Variants in RABGAP1L observed in about 807,000 individuals in gnomAD.
RABGAP1L encodes rab GTPase-activating protein 1-like.
RABGAP1L carries 63 observed loss-of-function variants against 137.7 expected under a neutral mutation model. The observed-to-expected ratio is 0.46, with a 90% CI of 0.37 to 0.56. RABGAP1L has a LOEUF of 0.56. Among genes scored for constraint, RABGAP1L ranks in the 20% least tolerant of loss-of-function variants. The probability of loss-of-function intolerance (pLI) is 0.00; values close to 1 mark genes in which losing one functional copy is unlikely to be tolerated. For missense variants in RABGAP1L, 1,095 were observed against 1,244.0 expected, an observed-to-expected ratio of 0.88 and a Z score of 1.80; for synonymous variants, 431 against 433.7, an observed-to-expected ratio of 0.99 and a Z score of 0.08.
intron 9 of RABGAP1L, 34 bp from the exon 10 acceptor site, chr1:174,278,579 A>C (rs777100586): frequency 4.5e-6 from 7 of 1,543,628 alleles, no homozygotes; most frequent in Middle Eastern, 1.7e-4. Context: ...GGAATAATAA[A>C]GCTCGCATAA....
chr1:174,308,127 A>G (rs533466716), intron 11 of RABGAP1L, among the ~76,000 whole-genome samples: 96 of 151,852 alleles, frequency 6.3e-4, no homozygotes, highest in African/African-American at 2.2e-3. Context: ...AGAAATGTCT[A>G]TTTAGGTCCC....
chr1:174,838,629 G>A (rs370216973), intron 19 of RABGAP1L, among the ~76,000 whole-genome samples: 13 of 152,206 alleles, frequency 8.5e-5, no homozygotes, highest in African/African-American at 3.1e-4. Flanking sequence ...CAGAAAAAGA[G>A]GCAGACAAAA....
intron 2 of RABGAP1L, 112 bp downstream of exon 2, chr1:174,219,407 T>G (rs1206163079): frequency 1.3e-6 from 1 of 750,568 alleles, no homozygotes; most frequent in African/African-American, 1.8e-5. Flanking sequence ...CAAAATAAAA[T>G]CAATGTTTGA....
chr1:174,918,502 G>A (rs1661238682), intron 19 of RABGAP1L, among the ~76,000 whole-genome samples: 2 of 152,206 alleles, frequency 1.3e-5, no homozygotes, highest in Non-Finnish European at 2.9e-5. Flanking sequence ...TTCACACAGG[G>A]CCAGGCATGG....
chr1:174,232,745 A>G (rs1446548973), intron 4 of RABGAP1L, among the ~76,000 whole-genome samples: 1 of 150,534 alleles, frequency 6.6e-6, no homozygotes, highest in East Asian at 2.0e-4. Context: ...TGGGCGACAG[A>G]GCAAGACGCC....
chr1:174,937,575 C>G (rs59038285), intron 19 of RABGAP1L, among the ~76,000 whole-genome samples: 1 of 142,724 alleles, frequency 7.0e-6, no homozygotes, highest in African/African-American at 2.8e-5. Flanking sequence ...CATGAGCCAC[C>G]GCATCCAGCC....
rs148560302 is a variant in RABGAP1L, at chr1:174,212,843, A to C, written c.-33-6282A>C. On this transcript the variant is annotated intron_variant, in intron 1 of 25. Transcript: ENST00000681986. Reference sequence around the variant, plus strand: ...CCAAATTAATAAAATAAAATCAGAGATGAAAAAGGAGGCATTACAGTTGAT... The same window carrying C: ...CCAAATTAATAAAATAAAATCAGAGCTGAAAAAGGAGGCATTACAGTTGAT... Among the ~76,000 whole-genome samples, 104 of 152,248 alleles carry C rather than the reference A, an allele frequency of 6.8e-4. 1 individual carries two copies. The highest frequency in any genetic ancestry group is 2.3e-3 in the African/African-American group (95 of 41,554).
intron 5 of RABGAP1L, among the ~76,000 whole-genome samples, chr1:174,248,616 A>G (rs1352854119): frequency 6.6e-6 from 1 of 152,174 alleles, no homozygotes; most frequent in Non-Finnish European, 1.5e-5. Context: ...TCATTGGTTA[A>G]TGGGTATAAA....
At chr1:174,881,562 C>T (rs116417588) in intron 19 of RABGAP1L, among the ~76,000 whole-genome samples, 3,024 of 136,950 alleles carry the variant, frequency 0.022, 48 homozygotes, top group Middle Eastern at 0.1. Flanking sequence ...TACAGTGGCA[C>T]GATTTGGGAT....
chr1:174,240,985 C>T (rs755563681), intron 4 of RABGAP1L, among the ~76,000 whole-genome samples: 1 of 151,998 alleles, frequency 6.6e-6, no homozygotes, highest in Non-Finnish European at 1.5e-5. Flanking sequence ...AAGTTGTTCT[C>T]TCTTGCATTG....
At chr1:174,639,542 A>G (rs1289596956) in intron 14 of RABGAP1L, among the ~76,000 whole-genome samples, 2 of 152,134 alleles carry the variant, frequency 1.3e-5, no homozygotes, top group African/African-American at 4.8e-5. Flanking sequence ...TGGCATATGC[A>G]ACATTTTTTT....
At chr1:174,521,607 G>T (rs1322702911) in intron 13 of RABGAP1L, among the ~76,000 whole-genome samples, 2 of 152,192 alleles carry the variant, frequency 1.3e-5, no homozygotes, top group Non-Finnish European at 2.9e-5. Context: ...AAGAAAATTA[G>T]CGTGGAGATA....
At chr1:174,540,056 T>G (rs10912806) in intron 13 of RABGAP1L, among the ~76,000 whole-genome samples, 53,663 of 152,140 alleles carry the variant, frequency 0.35, 12,114 homozygotes, top group African/African-American at 0.64. Flanking sequence ...ATGATAAGCA[T>G]TTTTTCATGT....
At chr1:174,216,639 T>A (rs2148453081) in intron 1 of RABGAP1L, among the ~76,000 whole-genome samples, 1 of 151,980 alleles carries the variant, frequency 6.6e-6, no homozygotes, top group East Asian at 1.9e-4. Flanking sequence ...TATTCTTCCT[T>A]TTATCACATA....
intron 13 of RABGAP1L, among the ~76,000 whole-genome samples, chr1:174,621,601 G>A (rs1399844105): frequency 6.6e-6 from 1 of 152,196 alleles, no homozygotes; most frequent in Non-Finnish European, 1.5e-5. Context: ...AAGCAATGGG[G>A]AAAGGATTCC....
At chr1:174,527,901 C>CTTTTT (rs57707616) in intron 13 of RABGAP1L, among the ~76,000 whole-genome samples, 5 of 124,820 alleles carry the variant, frequency 4.0e-5, no homozygotes, top group African/African-American at 1.3e-4. Flanking sequence ...ATATACTTGT[C>CTTTTT]TTTTTTTTTT....
chr1:174,855,455 G>C (rs1573524943), intron 19 of RABGAP1L, among the ~76,000 whole-genome samples: 1 of 152,278 alleles, frequency 6.6e-6, no homozygotes, highest in Middle Eastern at 3.4e-3. Flanking sequence ...TTTCCATGAG[G>C]GCCTTTGCTT....
intron 13 of RABGAP1L, among the ~76,000 whole-genome samples, chr1:174,461,251 C>A (rs1656656005): frequency 6.6e-6 from 1 of 152,112 alleles, no homozygotes; most frequent in Admixed American, 6.6e-5. Flanking sequence ...AATTTTGAGG[C>A]CTGTGTCCTT....
chr1:174,454,703 G>A (rs1460118238), intron 13 of RABGAP1L, among the ~76,000 whole-genome samples: 1 of 151,538 alleles, frequency 6.6e-6, no homozygotes, highest in East Asian at 1.9e-4. Flanking sequence ...GCGCCCACCA[G>A]CACTCCCAGC....
Sources: allele counts gnomAD v4.1 joint callset (sites outside exome capture counted in the v4.1 genomes callset), GRCh38; gene constraint gnomAD v4.1.1; transcripts MANE v1.5; gene names NCBI Gene and HGNC (gene_info 2026-07-23, HGNC 2026-07-21).